PRP4K: variants seen among roughly 807,000 people sequenced by gnomAD.
The protein encoded by PRP4K is serine/threonine-protein kinase PRP4 homolog.
the PRP4K span, chr6:4,042,662 T>C: frequency 4.7e-6 from 4 of 843,960 alleles, no homozygotes; most frequent in African/African-American, 1.8e-5. Flanking sequence ...AACAGGTCCT[T>C]AGAAAAGGAT....
the PRP4K span, among the ~76,000 whole-genome samples, chr6:4,030,320 T>A: frequency 6.9e-4 from 105 of 152,244 alleles, no homozygotes; most frequent in East Asian, 0.02. Flanking sequence ...AAAGAGATTG[T>A]GAGTAGACAG....
At chr6:4,053,602 A>G in the PRP4K span, among the ~76,000 whole-genome samples, 12 of 152,196 alleles carry the variant, frequency 7.9e-5, no homozygotes, top group South Asian at 2.1e-4. Context: ...TTTGAAATAC[A>G]TACATATTAT....
At chr6:4,041,769 C>T in the PRP4K span, among the ~76,000 whole-genome samples, 1 of 152,138 alleles carries the variant, frequency 6.6e-6, no homozygotes, top group South Asian at 2.1e-4. Flanking sequence ...AAGAACTATC[C>T]ATATCAAAAA....
the PRP4K span, among the ~76,000 whole-genome samples, chr6:4,055,715 G>T: frequency 6.6e-6 from 1 of 152,166 alleles, no homozygotes; most frequent in Non-Finnish European, 1.5e-5. Flanking sequence ...AGAAACAAAT[G>T]ACTAATATAG....
chr6:4,032,878 TG>T, the PRP4K span: 2 of 1,135,258 alleles, frequency 1.8e-6, no homozygotes, highest in African/African-American at 3.2e-5. Context: ...GAAGTAGTAA[TG>T]AGTTTCATAA....
chr6:4,052,862 G>T, the PRP4K span: 1 of 1,608,558 alleles, frequency 6.2e-7, no homozygotes, highest in South Asian at 1.1e-5. Flanking sequence ...TATCAAGCCA[G>T]ACAATATCCT....
chr6:4,064,092 G>A, the PRP4K span: 2 of 152,248 alleles, frequency 1.3e-5, no homozygotes, highest in Middle Eastern at 3.4e-3. Flanking sequence ...TGAGCAGGGG[G>A]AGCATCTTAT....
chr6:4,024,407 C>T, the PRP4K span, among the ~76,000 whole-genome samples: 6 of 152,122 alleles, frequency 3.9e-5, no homozygotes, highest in Admixed American at 2.0e-4. Context: ...ATAGCAGTGG[C>T]GTTCACTTTG....
chr6:4,044,173 T>G, the PRP4K span: 1 of 677,428 alleles, frequency 1.5e-6, no homozygotes, highest in Non-Finnish European at 2.5e-6. Context: ...ATATTAAATA[T>G]GTCCTTAGAA....
the PRP4K span, among the ~76,000 whole-genome samples, chr6:4,051,365 G>A: frequency 6.6e-6 from 1 of 152,034 alleles, no homozygotes. Context: ...CCAGGCTGGC[G>A]TGCGGTGGTG....
At chr6:4,059,859 G>A in the PRP4K span, among the ~76,000 whole-genome samples, 1 of 152,132 alleles carries the variant, frequency 6.6e-6, no homozygotes, top group Non-Finnish European at 1.5e-5. Flanking sequence ...TGCCCAGGCT[G>A]GTCTCGAATT....
At chr6:4,036,149 T>C in the PRP4K span, among the ~76,000 whole-genome samples, 3 of 152,166 alleles carry the variant, frequency 2.0e-5, no homozygotes, top group Admixed American at 6.5e-5. Flanking sequence ...AATACAAATA[T>C]CACATTAAAC....
the PRP4K span, chr6:4,056,191 G>T: frequency 4.8e-6 from 3 of 625,488 alleles, no homozygotes; most frequent in East Asian, 8.6e-5. Flanking sequence ...AAATAGAAAA[G>T]GAATTTTTAA....
chr6:4,051,745 CTATG>C, the PRP4K span, among the ~76,000 whole-genome samples: 1 of 152,116 alleles, frequency 6.6e-6, no homozygotes, highest in African/African-American at 2.4e-5. Flanking sequence ...GAAATTAACT[CTATG>C]TATGATAATG....
At chr6:4,032,098 A>C in the PRP4K span, 3 of 1,613,094 alleles carry the variant, frequency 1.9e-6, no homozygotes, top group African/African-American at 2.7e-5. Context: ...CGGACTAGAC[A>C]TAGGTCTGAT....
the PRP4K span, chr6:4,052,641 AAATGT>A: frequency 8.4e-7 from 1 of 1,188,870 alleles, no homozygotes; most frequent in Non-Finnish European, 1.2e-6. Flanking sequence ...TTATGCTTGC[AAATGT>A]TTTTGCCTTT....
chr6:4,025,511 T>G, the PRP4K span, among the ~76,000 whole-genome samples: 2 of 152,232 alleles, frequency 1.3e-5, no homozygotes, highest in Admixed American at 1.3e-4. Flanking sequence ...AAGAAAATGC[T>G]ATAATTAAGG....
chr6:4,041,988 G>A, the PRP4K span, among the ~76,000 whole-genome samples: 3 of 152,202 alleles, frequency 2.0e-5, no homozygotes, highest in Admixed American at 6.5e-5. Context: ...TTAGTGCGGA[G>A]GGTTGGGGGC....
the PRP4K span, chr6:4,031,555 A>G: frequency 1.3e-6 from 2 of 1,515,554 alleles, no homozygotes; most frequent in East Asian, 2.3e-5. Flanking sequence ...TGATATATTT[A>G]TAGGATGGAA....
Sources: allele counts gnomAD v4.1 joint callset (sites outside exome capture counted in the v4.1 genomes callset), GRCh38; gene constraint gnomAD v4.1.1; transcripts MANE v1.5; gene names NCBI Gene and HGNC (gene_info 2026-07-23, HGNC 2026-07-21).